LRP1B: variants seen among roughly 807,000 people sequenced by gnomAD.
LRP1B encodes LDL receptor related protein 1B, also known as low-density lipoprotein receptor-related protein 1B.
Under a neutral mutation model 556.6 loss-of-function variants are expected in LRP1B, and 217 were observed. That is an observed-to-expected ratio of 0.39 (90% CI 0.35 to 0.44). LRP1B has a LOEUF of 0.44. Ranked by LOEUF, LRP1B falls within the 20% of genes least tolerant of loss-of-function variation. LRP1B has a pLI of 1.00. For synonymous variants in LRP1B, 2,047 were observed against 1,865.8 expected (o/e 1.10, Z -2.50); for missense variants, 5,053 against 5,620.8 (o/e 0.90, Z 3.23).
chr2:141,487,974 A>G (rs1342847226), intron 2 of LRP1B, among the ~76,000 whole-genome samples: 3 of 152,192 alleles, frequency 2.0e-5, no homozygotes, highest in Admixed American at 2.0e-4. Context: ...CACTATTGTG[A>G]TAGGAACAAA....
At chr2:140,649,675 A>G (rs1684606508) in intron 41 of LRP1B, among the ~76,000 whole-genome samples, 1 of 152,204 alleles carries the variant, frequency 6.6e-6, no homozygotes, top group African/African-American at 2.4e-5. Context: ...CATAGTTTGG[A>G]TGCTTGCCTG....
chr2:141,375,518 G>C (rs1689394864), intron 3 of LRP1B, among the ~76,000 whole-genome samples: 1 of 152,036 alleles, frequency 6.6e-6, no homozygotes. Flanking sequence ...GCTGGTATCT[G>C]TGATGTCTTG....
intron 7 of LRP1B, among the ~76,000 whole-genome samples, chr2:141,180,317 C>T (rs554386929): frequency 1.5e-4 from 22 of 149,490 alleles, no homozygotes; most frequent in African/African-American, 4.9e-4. Context: ...GGACTACTGG[C>T]TCATATCTGC....
chr2:140,489,590 A>T (rs2105369436), intron 57 of LRP1B, among the ~76,000 whole-genome samples: 1 of 152,222 alleles, frequency 6.6e-6, no homozygotes, highest in Admixed American at 6.5e-5. Flanking sequence ...ATATAAATTG[A>T]ATGTGTTCCA....
At position 141,154,437 on chromosome 2, in the gene LRP1B, T is replaced by C. The variant is rs529119229; in HGVS notation, c.1013+33984A>G. On this transcript the variant is annotated intron_variant, in intron 7 of 90. Transcript: ENST00000389484. ...ACTATCCTAAAAAATTAAAATGCAG[T>C]TTATTATATTTTCCCTTAGAGAAGA... Among the ~76,000 whole-genome samples the C allele has an allele frequency of 2.6e-5, 4 of 151,972 alleles. No homozygotes were observed. The East Asian group carries it at 5.8e-4, about 22-fold the overall frequency.
intron 1 of LRP1B, among the ~76,000 whole-genome samples, chr2:142,037,069 G>T (rs926554076): frequency 6.6e-6 from 1 of 151,610 alleles, no homozygotes; most frequent in Admixed American, 6.6e-5. Flanking sequence ...CTGCTGATGG[G>T]CATCAGACCT....
intron 32 of LRP1B, among the ~76,000 whole-genome samples, chr2:140,804,363 A>G (rs1392876280): frequency 6.6e-6 from 1 of 152,146 alleles, no homozygotes; most frequent in Non-Finnish European, 1.5e-5. Context: ...AATTTATCTT[A>G]AGAAGTAGAA....
At chr2:140,265,208 A>G (rs1682142961) in intron 86 of LRP1B, among the ~76,000 whole-genome samples, 1 of 152,138 alleles carries the variant, frequency 6.6e-6, no homozygotes, top group Admixed American at 6.6e-5. Flanking sequence ...AATTCTTCAC[A>G]GTAGTAGTGA....
At position 141,019,971 on chromosome 2, in the gene LRP1B, C is replaced by T. The variant is rs2105396727; in HGVS notation, c.1921G>A (p.Glu641Lys). 1 of 1,611,814 alleles carries T rather than the reference C, an allele frequency of 6.2e-7. No individual in the cohort carries two copies. Among genetic ancestry groups the T allele is most frequent in the South Asian group, 1.1e-5 (1 of 90,938 alleles). Residue 641 changes from glutamate to lysine, a missense_variant, in exon 12 of 91, where the codon GAG becomes AAG. Physicochemically the swap from Glu to Lys is moderately conservative, Grantham distance 56 (BLOSUM62 1). Coordinates refer to ENST00000389484, the MANE Select transcript of LRP1B (RefSeq NM_018557.3). Reference sequence around the variant, plus strand: ...CCTCTGGGATGAGACATTTCACCCTCTAAAAGAGTCTTCCGACTCTGAGAA... The same window carrying T: ...CCTCTGGGATGAGACATTTCACCCTTTAAAAGAGTCTTCCGACTCTGAGAA... The part of the protein sequence containing the change: ...KASQSRKTLL[E>K]GEMSHPRGIV...
rs898749537 is a variant in LRP1B, at chr2:141,362,437, G to C, written c.344-107796C>G. ...GCATGGCAGTGGGAGAGGACCACCA[G>C]GTAATCAGCAGATGGACAGCGCAGA... On this transcript the variant is annotated intron_variant, in intron 3 of 90. Coordinates refer to ENST00000389484, the MANE Select transcript of LRP1B (RefSeq NM_018557.3). Among the ~76,000 whole-genome samples, 9 of 152,190 alleles carry C rather than the reference G, an allele frequency of 5.9e-5. 1 individual carries two copies. Among genetic ancestry groups the C allele is most frequent in the Non-Finnish European group, 1.2e-4 (8 of 68,034 alleles).
intron 52 of LRP1B, among the ~76,000 whole-genome samples, chr2:140,509,018 C>A (rs1165716917): frequency 6.6e-6 from 1 of 150,694 alleles, no homozygotes; most frequent in African/African-American, 2.5e-5. Flanking sequence ...TCGAAGTTTT[C>A]TTTTTTCTTT....
At chr2:140,444,509 A>T in intron 64 of LRP1B, 54 bp downstream of exon 64, 1 of 1,613,042 alleles carries the variant, frequency 6.2e-7, no homozygotes, top group Admixed American at 1.7e-5. Flanking sequence ...TCACACAGAC[A>T]TAATCAGTTG....
chr2:142,093,037 T>C (rs1469919020), intron 1 of LRP1B, among the ~76,000 whole-genome samples: 2 of 152,066 alleles, frequency 1.3e-5, no homozygotes, highest in Non-Finnish European at 2.9e-5. Context: ...TGCTCCACTT[T>C]TTTCAGTACC....
At chr2:141,078,507 G>A (rs1699847076) in intron 7 of LRP1B, among the ~76,000 whole-genome samples, 1 of 152,170 alleles carries the variant, frequency 6.6e-6, no homozygotes, top group South Asian at 2.1e-4. Flanking sequence ...TTTTAAAACT[G>A]TGACACAGAA....
At chr2:141,445,332 G>A (rs1429792978) in intron 3 of LRP1B, among the ~76,000 whole-genome samples, 1 of 151,842 alleles carries the variant, frequency 6.6e-6, no homozygotes, top group African/African-American at 2.4e-5. Flanking sequence ...TTCTTTATTA[G>A]TTTGGCTAGT....
chr2:141,939,497 G>A (rs1167199312), intron 1 of LRP1B, among the ~76,000 whole-genome samples: 1 of 151,896 alleles, frequency 6.6e-6, no homozygotes, highest in Non-Finnish European at 1.5e-5. Context: ...GCTTGTGAGA[G>A]ATAATTACAA....
At chr2:140,914,029 T>C (rs1313749267) in intron 21 of LRP1B, among the ~76,000 whole-genome samples, 46 of 152,136 alleles carry the variant, frequency 3.0e-4, no homozygotes, top group Admixed American at 3.0e-3. Flanking sequence ...AAGCGTTTCT[T>C]AATCTGATTA....
rs1220008474 is a variant in LRP1B at position 140,516,932 on chromosome 2, A to G, written c.8106T>C (p.Asp2702=). 3.1e-6 allele frequency: 5 copies of G among 1,612,916 alleles called. No homozygotes were observed. Among genetic ancestry groups the G allele is most frequent in the Non-Finnish European group, 4.2e-6 (5 of 1,179,270 alleles). The change falls in exon 50 of 91, where the codon GAT becomes GAC. Residue 2702 remains aspartate (D), a synonymous_variant. Transcript: ENST00000389484. ...GTCCATCCTCACAATCTTTCTGACCATCGCATATCCAGGTATTCAAAATGC... is the reference window on the plus strand; with the variant it reads ...GTCCATCCTCACAATCTTTCTGACCGTCGCATATCCAGGTATTCAAAATGC... ...GRCILNTWIC[D]GQKDCEDGRD...
chr2:142,114,845 T>G (rs1327381069), intron 1 of LRP1B, among the ~76,000 whole-genome samples: 2 of 152,164 alleles, frequency 1.3e-5, no homozygotes, highest in Admixed American at 1.3e-4. Flanking sequence ...GATAGCACAA[T>G]AGGGTGACTA....
Sources: allele counts gnomAD v4.1 joint callset (sites outside exome capture counted in the v4.1 genomes callset), GRCh38; gene constraint gnomAD v4.1.1; transcripts MANE v1.5; gene names NCBI Gene and HGNC (gene_info 2026-07-23, HGNC 2026-07-21).